The following EEF2 variants were observed in gnomAD, a reference collection of about 807,000 sequenced individuals.
EEF2 encodes eukaryotic translation elongation factor 2.
Under a neutral mutation model 85.3 loss-of-function variants are expected in EEF2, and 21 were observed. The observed-to-expected ratio is 0.25, with a 90% CI of 0.17 to 0.35. The LOEUF is 0.35. Among genes scored for constraint, EEF2 ranks in the 10% least tolerant of loss-of-function variants. EEF2 has a pLI of 1.00. For synonymous variants in EEF2, 723 were observed against 508.8 expected (o/e 1.42, Z -5.67); for missense variants, 825 against 1,225.3 (o/e 0.67, Z 4.88).
rs2039715935 is a variant in EEF2, at chr19:3,979,309, G to T, written c.1713+20C>A. 4 of 1,602,044 alleles carry T rather than the reference G, an allele frequency of 2.5e-6. No individual in the cohort carries two copies. Among genetic ancestry groups the T allele is most frequent in the Non-Finnish European group, 3.4e-6 (4 of 1,169,490 alleles). On this transcript the variant is annotated intron_variant, in intron 11 of 14. Coordinates refer to ENST00000309311, the MANE Select transcript of EEF2 (RefSeq NM_001961.4). ...GTGTCCGGGGTGGGGCGTGGGGAAG[G>T]CTGGTCACTGGCGCCTCACCTTGAT...
At chr19:3,980,457 G>A in intron 9 of EEF2, 57 bp downstream of exon 9, 4 of 1,553,406 alleles carry the variant, frequency 2.6e-6, no homozygotes, top group Non-Finnish European at 3.5e-6. Flanking sequence ...CCAAGACTTG[G>A]AGCAGGGCAG....
Position 3,980,946 on chromosome 19 carries a change from C to G in EEF2, c.1045G>C (p.Ala349Pro). The G allele has an allele frequency of 6.4e-7, 1 of 1,573,878 alleles. No individual in the cohort carries two copies. Among genetic ancestry groups the G allele is most frequent in the Non-Finnish European group, 8.6e-7 (1 of 1,160,696 alleles). Reference protein sequence around the residue: ...VMRRWLPAGDALLQMITIHLP... With the variant: ...VMRRWLPAGDPLLQMITIHLP... ...TGGATGGTGATCATCTGCAACAAGG[C>G]GTCTCCGGCAGGCAGCCAGCGGCGC... The change falls in exon 8 of 15, where the codon GCC (alanine) becomes CCC (proline). Residue 349 changes from alanine to proline, a missense_variant. Transcript: ENST00000309311.
rs79072361 is a variant in EEF2 at position 3,984,294 on chromosome 19, G to T, written c.60C>A (p.Arg20=). ...CCACGTGGGCGATGACAGACATGTT[G>T]CGGATGTTGGCCTTCTTGTCCATGA... ...RAIMDKKANI[R]NMSVIAHVDH... The change falls in exon 2 of 15, where the codon CGC becomes CGA. Residue 20 remains arginine (R), a synonymous_variant. Transcript: ENST00000309311. 212 of 1,614,222 alleles carry T rather than the reference G, an allele frequency of 1.3e-4. 2 individuals are homozygous for T. In the East Asian group the frequency reaches 4.5e-3, roughly 35 times the overall value.
chr19:3,981,304 T>C (rs750964325), intron 7 of EEF2, 35 bp downstream of exon 7: 8 of 1,592,462 alleles, frequency 5.0e-6, no homozygotes, highest in Middle Eastern at 1.7e-4. Context: ...GCAGCCTGTG[T>C]TCCCTCCACC....
chr19:3,981,613 T>C (rs1319874919), intron 6 of EEF2, among the ~76,000 whole-genome samples, 161 bp from the exon 7 acceptor site: 1 of 152,158 alleles, frequency 6.6e-6, no homozygotes, highest in African/African-American at 2.4e-5. Flanking sequence ...GCTGAGCGGA[T>C]CGGGAGCTGG....
chr19:3,978,316 T>G, intron 11 of EEF2, 144 bp from the exon 12 acceptor site: 1 of 667,026 alleles, frequency 1.5e-6, no homozygotes, highest in East Asian at 3.0e-5. Flanking sequence ...GGAGTCAGTG[T>G]TGCAGTGCCA....
intron 8 of EEF2, 49 bp from the exon 9 acceptor site, chr19:3,980,758 T>A: frequency 6.2e-7 from 1 of 1,601,582 alleles, no homozygotes; most frequent in Non-Finnish European, 8.5e-7. Flanking sequence ...CAGCTCAGCC[T>A]TCTGGAACCC....
chr19:3,982,647 G>A lies in EEF2; in HGVS notation c.612+160C>T, dbSNP rs1485509283. ...TCTTCCAGCTGCCCAAAGATCAAGG[G>A]CTGGGTCAAGTCGGATGAAAACATT... On this transcript the variant is annotated intron_variant, in intron 4 of 14. Coordinates refer to ENST00000309311, the MANE Select transcript of EEF2 (RefSeq NM_001961.4). The A allele has an allele frequency of 3.6e-6, 4 of 1,103,942 alleles. No individual in the cohort carries two copies. In the African/African-American group the frequency reaches 4.6e-5, roughly 13 times the overall value. 68.4% of individuals were successfully genotyped at this position (1,103,942 alleles called of 1,614,324 possible).
In EEF2 at chr19:3,977,810, G is replaced by A. The variant is rs766599785; in HGVS notation, c.2067+9C>T. ...GGGTGTGGTCTGCACATGCTGAGCC[G>A]TGCCTCACCTCCTTGGTGGCCCACT... On this transcript the variant is annotated intron_variant, in intron 12 of 14. Coordinates refer to ENST00000309311, the MANE Select transcript of EEF2 (RefSeq NM_001961.4). The surrounding 1 kb of genome is among the most constrained non-coding windows in gnomAD (Gnocchi z 5.4). The A allele has an allele frequency of 1.9e-5, 30 of 1,573,752 alleles. No homozygotes were observed. Among genetic ancestry groups the A allele is most frequent in the African/African-American group, 5.4e-5 (4 of 74,324 alleles).
intron 7 of EEF2, 148 bp from the exon 8 acceptor site, chr19:3,981,127 A>AT (rs1248263078): frequency 2.8e-5 from 37 of 1,339,106 alleles, no homozygotes; most frequent in Admixed American, 5.0e-5. Context: ...GGCAAAGGCC[A>AT]TGCACACTCC....
At chr19:3,984,409 G>C in intron 1 of EEF2, 59 bp from the exon 2 acceptor site, 2 of 1,568,046 alleles carry the variant, frequency 1.3e-6, no homozygotes, top group Non-Finnish European at 1.8e-6. Flanking sequence ...AGCATGGCAC[G>C]GAGCGTTCAG....
At chr19:3,979,258 C>A in intron 11 of EEF2, 71 bp downstream of exon 11, 2 of 1,241,352 alleles carry the variant, frequency 1.6e-6, no homozygotes, top group Non-Finnish European at 2.4e-6. Context: ...GAGCCTAGCT[C>A]AGCTCAGCTT....
chr19:3,982,750 C>A, intron 4 of EEF2, 57 bp downstream of exon 4: 1 of 1,550,654 alleles, frequency 6.4e-7, no homozygotes, highest in Admixed American at 1.9e-5. Context: ...CCACTCCCCA[C>A]CGGCTCCTGC....
chr19:3,983,913 A>T, intron 2 of EEF2: 1 of 576,562 alleles, frequency 1.7e-6, no homozygotes, highest in South Asian at 2.1e-5. Flanking sequence ...AGAACCACGG[A>T]GTTAAGCCCC....
intron 4 of EEF2, 99 bp downstream of exon 4, chr19:3,982,708 A>C: frequency 7.3e-7 from 1 of 1,375,212 alleles, no homozygotes; most frequent in Non-Finnish European, 1.0e-6. Context: ...ATTCCTGGCA[A>C]AAACACACTT....
At chr19:3,981,552 C>T (rs547305576) in intron 6 of EEF2, 100 bp from the exon 7 acceptor site, 7 of 1,129,272 alleles carry the variant, frequency 6.2e-6, no homozygotes, top group South Asian at 3.9e-5. Flanking sequence ...CGCAGGGGGA[C>T]GCAGCACGGG....
At chr19:3,981,501 G>A (rs1207775142) in intron 6 of EEF2, 49 bp from the exon 7 acceptor site, 4 of 1,554,010 alleles carry the variant, frequency 2.6e-6, no homozygotes, top group Non-Finnish European at 3.5e-6. Flanking sequence ...AACAGCAGGA[G>A]GAAGCCTGGC....
In EEF2 at chr19:3,982,803, G is replaced by C. The variant is rs768577520; in HGVS notation, c.612+4C>G. 3.2e-5 allele frequency: 52 copies of C among 1,607,730 alleles called. No individual in the cohort carries two copies. Among genetic ancestry groups the C allele is most frequent in the Non-Finnish European group, 4.3e-5 (51 of 1,178,178 alleles). The stretch of plus-strand genomic sequence containing the variant: ...GCCCACCACCCAGCTAGGGAGGGCC[G>C]TACCATGATGTTGCCCATGGGGCCG... On this transcript the variant is annotated splice_donor_region_variant and intron_variant, in intron 4 of 14. Coordinates refer to ENST00000309311, the MANE Select transcript of EEF2 (RefSeq NM_001961.4).
chr19:3,979,293 G>A (rs759700703), intron 11 of EEF2, 36 bp downstream of exon 11: 6 of 1,557,244 alleles, frequency 3.9e-6, no homozygotes, highest in Middle Eastern at 1.7e-4. Flanking sequence ...GGTGTCCGGG[G>A]TGGGGCGTGG....
Sources: gnomAD v4.1 joint callset for allele counts (sites outside exome capture counted in the v4.1 genomes callset) on GRCh38, gnomAD v4.1.1 for gene constraint, Gnocchi (gnomAD v3.1) non-coding constraint, MANE v1.5 for transcripts, NCBI Gene and HGNC (gene_info 2026-07-23, HGNC 2026-07-21) for gene names.